Variants in ZNF385D observed in about 807,000 individuals in gnomAD.
ZNF385D encodes the protein zinc finger protein 659.
A neutral mutation model predicts 35.8 loss-of-function variants in ZNF385D; 15 were observed. That is an observed-to-expected ratio of 0.42 (90% CI 0.28 to 0.64). The LOEUF (loss-of-function observed/expected upper bound fraction) is 0.64, where lower values mean the gene tolerates loss of function less well. Ranked by LOEUF, ZNF385D falls within the 30% of genes least tolerant of loss-of-function variation. The pLI is 0.23. For synonymous variants in ZNF385D, 212 were observed against 186.8 expected, an observed-to-expected ratio of 1.13 and a Z score of -1.10; for missense variants, 474 against 494.6, an observed-to-expected ratio of 0.96 and a Z score of 0.39.
At chr3:22,013,726 A>C (rs939686253) in intron 3 of ZNF385D, among the ~76,000 whole-genome samples, 1 of 152,136 alleles carries the variant, frequency 6.6e-6, no homozygotes, top group Admixed American at 6.6e-5. Context: ...GAGACTGACA[A>C]AGCAGGTGAG....
intron 3 of ZNF385D, among the ~76,000 whole-genome samples, chr3:22,086,508 C>T (rs1400454897): frequency 6.6e-6 from 1 of 152,130 alleles, no homozygotes; most frequent in Non-Finnish European, 1.5e-5. Flanking sequence ...TGAAGGACCT[C>T]TTCAAGGAGA....
chr3:22,095,504 T>C (rs959844061), intron 3 of ZNF385D, among the ~76,000 whole-genome samples: 2 of 152,152 alleles, frequency 1.3e-5, no homozygotes, highest in East Asian at 3.9e-4. Flanking sequence ...AAGCTATTGA[T>C]CTATCTTCTG....
intron 2 of ZNF385D, among the ~76,000 whole-genome samples, chr3:22,218,634 G>T (rs1698046569): frequency 6.6e-6 from 1 of 151,920 alleles, no homozygotes. Flanking sequence ...TCTTTTTCTT[G>T]TTCCTCTCCT....
intron 2 of ZNF385D, among the ~76,000 whole-genome samples, chr3:22,250,015 A>G (rs1699984974): frequency 6.6e-6 from 1 of 152,174 alleles, no homozygotes; most frequent in Non-Finnish European, 1.5e-5. Context: ...ACTTTCCAAA[A>G]AATAAATCTC....
rs1371904871 is a variant in ZNF385D, at chr3:21,920,621, C to A, written c.325+248196G>T. On this transcript the variant is annotated intron_variant, in intron 3 of 5. Coordinates refer to the ZNF385D transcript ENST00000494108. ...GAAGAGGGTTGATGATGATACAATG[C>A]CAAAAAAAAAAAAAAAAGATGAAAT... Among the ~76,000 whole-genome samples, 10 of 29,362 alleles carry A rather than the reference C, an allele frequency of 3.4e-4. No individual in the cohort carries two copies. In the South Asian group the frequency reaches 0.012, roughly 34 times the overall value. 19.3% of individuals were successfully genotyped at this position (29,362 alleles called of 152,430 possible).
intron 2 of ZNF385D, among the ~76,000 whole-genome samples, chr3:22,285,594 C>T (rs1161040652): frequency 1.3e-5 from 2 of 152,084 alleles, no homozygotes; most frequent in African/African-American, 4.8e-5. Flanking sequence ...AAGTTAGTTA[C>T]ATATGTATAC....
chr3:21,938,940 C>G (rs762176798), intron 3 of ZNF385D, among the ~76,000 whole-genome samples: 4 of 152,216 alleles, frequency 2.6e-5, no homozygotes, highest in Non-Finnish European at 4.4e-5. Flanking sequence ...GAGGTAGTCA[C>G]TGAACTGAAC....
intron 3 of ZNF385D, among the ~76,000 whole-genome samples, chr3:21,825,402 C>G (rs1694538297): frequency 6.6e-6 from 1 of 152,118 alleles, no homozygotes; most frequent in African/African-American, 2.4e-5. Flanking sequence ...TGTCTCCCTA[C>G]ATCAGTCAAA....
intron 3 of ZNF385D, among the ~76,000 whole-genome samples, chr3:21,815,718 C>G (rs574296046): frequency 1.3e-5 from 2 of 152,286 alleles, no homozygotes; most frequent in South Asian, 4.1e-4. Context: ...AGTACCGGAC[C>G]AGACGGATTC....
At chr3:21,845,070 G>T (rs1695918644) in intron 3 of ZNF385D, among the ~76,000 whole-genome samples, 1 of 151,920 alleles carries the variant, frequency 6.6e-6, no homozygotes, top group Non-Finnish European at 1.5e-5. Flanking sequence ...AGGTCTTAAA[G>T]TTGCTTTGCG....
At chr3:22,111,476 G>A (rs781603667) in intron 3 of ZNF385D, among the ~76,000 whole-genome samples, 7 of 151,984 alleles carry the variant, frequency 4.6e-5, no homozygotes, top group Non-Finnish European at 7.4e-5. Context: ...ATGGTGACGC[G>A]ATCATCAAAT....
chr3:21,492,142 A>G (rs1438551532), intron 4 of ZNF385D, among the ~76,000 whole-genome samples: 1 of 152,160 alleles, frequency 6.6e-6, no homozygotes, highest in Non-Finnish European at 1.5e-5. Context: ...ATAAATAAAA[A>G]GATGGCTGAT....
Position 21,922,070 on chromosome 3 carries a change from T to C in ZNF385D, c.325+246747A>G, listed in dbSNP as rs1277464396. ...AAAGAAAATGACAGGTCAATATTCC[T>C]GATGAACCAAGGGGGTGAAAGATCT... On this transcript the variant is annotated intron_variant, in intron 3 of 5. Transcript: ENST00000494108. Among the ~76,000 whole-genome samples, 7 of 151,970 alleles carry C rather than the reference T, an allele frequency of 4.6e-5. 1 individual carries two copies. The highest frequency in any genetic ancestry group is 4.6e-4 in the Admixed American group (7 of 15,262).
intron 3 of ZNF385D, among the ~76,000 whole-genome samples, chr3:22,106,407 A>AG (rs2125635028): frequency 6.6e-6 from 1 of 152,076 alleles, no homozygotes; most frequent in Admixed American, 6.6e-5. Flanking sequence ...AGGACAAAAA[A>AG]ATCTTACATT....
chr3:21,964,700 C>A (rs2127524), intron 3 of ZNF385D, among the ~76,000 whole-genome samples: 1 of 151,472 alleles, frequency 6.6e-6, no homozygotes, highest in Non-Finnish European at 1.5e-5. Context: ...CCATGTTGGC[C>A]AGGCTGGTCT....
Position 22,037,201 on chromosome 3 carries a change from T to A in ZNF385D, c.325+131616A>T, listed in dbSNP as rs985118891. ...GTGCATGTGTCTTTATAGCAGCATG[T>A]TTTATAATCCTTTGGGTATATACCC... is the stretch of plus-strand genomic sequence containing the variant. On this transcript the variant is annotated intron_variant, in intron 3 of 5. Coordinates refer to the ZNF385D transcript ENST00000494108. 9.3e-5 allele frequency among the ~76,000 whole-genome samples: 14 copies of A among 150,288 alleles called. 1 individual carries two copies. The highest frequency in any genetic ancestry group is 2.2e-4 in the South Asian group (1 of 4,648).
chr3:21,767,514 C>T (rs1254413672), intron 3 of ZNF385D, among the ~76,000 whole-genome samples: 1 of 152,058 alleles, frequency 6.6e-6, no homozygotes, highest in Non-Finnish European at 1.5e-5. Context: ...CTTGCCAGTT[C>T]CTTTCTAGAC....
chr3:21,924,981 A>G (rs1700652239), intron 3 of ZNF385D, among the ~76,000 whole-genome samples: 2 of 152,116 alleles, frequency 1.3e-5, no homozygotes, highest in African/African-American at 4.8e-5. Flanking sequence ...TACTAAAACT[A>G]AAAACTGCAA....
intron 2 of ZNF385D, among the ~76,000 whole-genome samples, chr3:22,356,764 A>G (rs1196524358): frequency 6.6e-6 from 1 of 151,642 alleles, no homozygotes; most frequent in African/African-American, 2.4e-5. Context: ...ATGCAAAGTG[A>G]TTAGATAGAC....
Sources: allele counts gnomAD v4.1 joint callset (sites outside exome capture counted in the v4.1 genomes callset), GRCh38; gene constraint gnomAD v4.1.1; transcripts MANE v1.5; gene names NCBI Gene and HGNC (gene_info 2026-07-23, HGNC 2026-07-21).